The following GBF1 variants were observed in gnomAD, a reference collection of about 807,000 sequenced individuals.
GBF1 encodes the protein golgi brefeldin A resistant guanine nucleotide exchange factor 1.
A neutral mutation model predicts 210.5 loss-of-function variants in GBF1; 114 were observed. That is an observed-to-expected ratio of 0.54 (90% confidence interval 0.47 to 0.63). The LOEUF is 0.63. Ranked by LOEUF, GBF1 falls within the 30% of genes least tolerant of loss-of-function variation. The probability of loss-of-function intolerance (pLI) is 0.00; values close to 1 mark genes in which losing one functional copy is unlikely to be tolerated. For missense variants in GBF1, 1,851 were observed against 2,357.7 expected, an observed-to-expected ratio of 0.79 and a Z score of 4.45; for synonymous variants, 850 against 889.2, an observed-to-expected ratio of 0.96 and a Z score of 0.78.
chr10:102,312,729 G>A (rs2078578974), intron 3 of GBF1, among the ~76,000 whole-genome samples: 1 of 152,198 alleles, frequency 6.6e-6, no homozygotes, highest in Non-Finnish European at 1.5e-5. Flanking sequence ...AGCAGATAGA[G>A]CTTTGCCCAT....
At chr10:102,269,098 T>C (rs2074154778) in intron 3 of GBF1, among the ~76,000 whole-genome samples, 1 of 152,224 alleles carries the variant, frequency 6.6e-6, no homozygotes, top group Non-Finnish European at 1.5e-5. Context: ...TGGCTGTCTG[T>C]TGGCTGGGTT....
intron 3 of GBF1, among the ~76,000 whole-genome samples, chr10:102,288,768 A>G (rs1023980725): frequency 1.3e-5 from 2 of 150,036 alleles, no homozygotes; most frequent in South Asian, 2.1e-4. Context: ...TTGTCACTAG[A>G]TAGATTCATC....
In GBF1 at chr10:102,369,228, C is replaced by G. The variant is rs1416718032; in HGVS notation, c.2991C>G (p.Pro997=). Reference sequence around the variant, plus strand: ...TTTTCCAGTCTATTGAGAACCTGCCCAGTGTATTTGGAAGCAACCCTAAAG... The same window carrying G: ...TTTTCCAGTCTATTGAGAACCTGCCGAGTGTATTTGGAAGCAACCCTAAAG... ...ALSSESIENL[P]SVFGSNPKAH... The change falls in exon 24 of 40, where the codon CCC becomes CCG. Residue 997 remains proline, a synonymous_variant. Transcript: ENST00000369983. 1 of 1,613,140 alleles carries G rather than the reference C, an allele frequency of 6.2e-7. No homozygotes were observed. The highest frequency in any genetic ancestry group is 1.6e-4 in the Middle Eastern group (1 of 6,062).
intron 3 of GBF1, among the ~76,000 whole-genome samples, chr10:102,314,028 TCCAGTTCTGTGCATGTA>T (rs1369997460): frequency 6.6e-6 from 1 of 151,564 alleles, no homozygotes; most frequent in Non-Finnish European, 1.5e-5. Flanking sequence ...TTATAAGTAA[TCCAGTTCTGTGCATGTA>T]AAGTCAAAGA....
intron 1 of GBF1, among the ~76,000 whole-genome samples, chr10:102,247,593 G>A (rs1229938903): frequency 1.3e-5 from 2 of 152,138 alleles, no homozygotes; most frequent in Non-Finnish European, 2.9e-5. Flanking sequence ...GTCATCCTCA[G>A]TTGAGCCTAA....
At chr10:102,246,986 A>G (rs1389097744) in intron 1 of GBF1, among the ~76,000 whole-genome samples, 1 of 152,242 alleles carries the variant, frequency 6.6e-6, no homozygotes, top group Non-Finnish European at 1.5e-5. Context: ...GAGCAGGATC[A>G]ACCTAATACC....
chr10:102,319,119 T>C (rs2056137302), intron 3 of GBF1, among the ~76,000 whole-genome samples: 1 of 152,114 alleles, frequency 6.6e-6, no homozygotes, highest in African/African-American at 2.4e-5. Flanking sequence ...AGATCGTGAC[T>C]ATCCTGGCTA....
intron 1 of GBF1, among the ~76,000 whole-genome samples, chr10:102,250,887 G>A (rs545969046): frequency 3.9e-5 from 6 of 152,102 alleles, no homozygotes; most frequent in Non-Finnish European, 5.9e-5. Context: ...AACCCTGGAG[G>A]TGGAGGTTGC....
intron 3 of GBF1, among the ~76,000 whole-genome samples, chr10:102,270,471 A>G (rs1377070514): frequency 6.6e-6 from 1 of 152,174 alleles, no homozygotes; most frequent in African/African-American, 2.4e-5. Flanking sequence ...TTTATGATGA[A>G]AAATTTTAAA....
At chr10:102,367,402 A>T in intron 20 of GBF1, 76 bp from the exon 21 acceptor site, 1 of 1,171,070 alleles carries the variant, frequency 8.5e-7, no homozygotes, top group Non-Finnish European at 1.3e-6. Context: ...AGTCCTATTT[A>T]CTGAAAACCC....
intron 4 of GBF1, among the ~76,000 whole-genome samples, chr10:102,347,922 C>T (rs1294470072): frequency 1.3e-5 from 2 of 152,038 alleles, no homozygotes; most frequent in South Asian, 2.1e-4. Context: ...TCACTCTAGT[C>T]TGCCTTTTTA....
chr10:102,355,350 G>A (rs185412469), intron 8 of GBF1, among the ~76,000 whole-genome samples: 1 of 152,180 alleles, frequency 6.6e-6, no homozygotes, highest in African/African-American at 2.4e-5. Context: ...TCTCATTAGT[G>A]GCTATCCAGC....
At chr10:102,352,917 A>T (rs921274397) in intron 7 of GBF1, among the ~76,000 whole-genome samples, 5 of 152,100 alleles carry the variant, frequency 3.3e-5, no homozygotes, top group Admixed American at 6.5e-5. Flanking sequence ...TTCAGCACTA[A>T]AAGTTCTGCA....
At chr10:102,380,987 T>C in intron 38 of GBF1, 140 bp from the exon 39 acceptor site, 1 of 758,708 alleles carries the variant, frequency 1.3e-6, no homozygotes, top group Admixed American at 2.4e-5. Flanking sequence ...AGAACGAGAT[T>C]CCATCTCAAA....
intron 3 of GBF1, among the ~76,000 whole-genome samples, chr10:102,313,268 A>T (rs1204811550): frequency 1.3e-5 from 2 of 152,312 alleles, no homozygotes; most frequent in Admixed American, 6.5e-5. Context: ...TTCTGAGTAC[A>T]CATGAGTCGG....
rs769380716 is a variant in GBF1 at position 102,375,411 on chromosome 10, G to A, written c.3713G>A (p.Arg1238Gln). The change falls in exon 30 of 40, where the codon CGA becomes CAA. Residue 1238 changes from arginine (R) to glutamine (Q), a missense_variant. Physicochemically the swap from Arg to Gln is conservative, Grantham distance 43. This residue lies in a region of GBF1 where 967 missense variants were observed against 1,247.7 expected (regional missense o/e 0.78). Transcript: ENST00000369983. ...LLLMKPSVLS[R>Q]VSHQVAYGLH... ...CTGATGAAGCCCAGTGTGCTATCCC[G>A]AGTCAGCCACCAGGTTGCGTATGGG... The A allele has an allele frequency of 5.0e-6, 8 of 1,613,854 alleles. No homozygotes were observed. The Admixed American group carries it at 5.0e-5, about 10-fold the overall frequency.
intron 1 of GBF1, among the ~76,000 whole-genome samples, chr10:102,248,050 AG>A (rs2071054920): frequency 6.6e-6 from 1 of 152,178 alleles, no homozygotes; most frequent in African/African-American, 2.4e-5. Context: ...GCTTTTGAGG[AG>A]ACTCTATTTA....
At chr10:102,289,207 A>G (rs2076237322) in intron 3 of GBF1, among the ~76,000 whole-genome samples, 1 of 152,156 alleles carries the variant, frequency 6.6e-6, no homozygotes, top group South Asian at 2.1e-4. Context: ...GGCAGACCCT[A>G]AAGCTAACCA....
At chr10:102,302,171 A>C (rs976159440) in intron 3 of GBF1, among the ~76,000 whole-genome samples, 3 of 152,248 alleles carry the variant, frequency 2.0e-5, no homozygotes, top group African/African-American at 7.2e-5. Flanking sequence ...AGGCTGAGGC[A>C]GGAGAATCAG....
Sources: allele counts gnomAD v4.1 joint callset (sites outside exome capture counted in the v4.1 genomes callset), GRCh38; gene constraint gnomAD v4.1.1; regional missense constraint gnomAD v4.1.1; transcripts MANE v1.5; gene names NCBI Gene and HGNC (gene_info 2026-07-23, HGNC 2026-07-21).